The following SIM2 variants were observed in gnomAD, a reference collection of about 807,000 sequenced individuals.
SIM2 encodes the protein single-minded homolog 2.
A neutral mutation model predicts 64.8 loss-of-function variants in SIM2; 28 were observed. The ratio of observed to expected loss-of-function variants is 0.43; its 90% CI spans 0.32 to 0.59. The LOEUF (loss-of-function observed/expected upper bound fraction) is 0.59. SIM2 is among the 20% of genes least tolerant of loss of function. SIM2 has a pLI of 0.07. For missense variants in SIM2, 847 were observed against 871.4 expected, an observed-to-expected ratio of 0.97 and a Z score of 0.35; for synonymous variants, 408 against 391.1, an observed-to-expected ratio of 1.04 and a Z score of -0.51.
chr21:36,700,733 G>A (rs994529293), intron 1 of SIM2, among the ~76,000 whole-genome samples: 1 of 152,198 alleles, frequency 6.6e-6, no homozygotes, highest in Non-Finnish European at 1.5e-5. Flanking sequence ...CGGGAAGTCC[G>A]GGCAGGAGAG....
At chr21:36,743,720 G>A (rs138791805) in intron 9 of SIM2, among the ~76,000 whole-genome samples, 165 bp downstream of exon 9, 6 of 152,254 alleles carry the variant, frequency 3.9e-5, no homozygotes, top group African/African-American at 7.2e-5. Context: ...GTGACAGCCC[G>A]GGGAAGGCCG....
intron 9 of SIM2, among the ~76,000 whole-genome samples, chr21:36,744,524 TG>T (rs1363850157): frequency 6.6e-6 from 1 of 151,392 alleles, no homozygotes; most frequent in Non-Finnish European, 1.5e-5. Flanking sequence ...TAGCTTGGGG[TG>T]GGGGATCTCT....
intron 1 of SIM2, among the ~76,000 whole-genome samples, chr21:36,706,843 T>G (rs1437812244): frequency 6.6e-6 from 1 of 152,204 alleles, no homozygotes; most frequent in Non-Finnish European, 1.5e-5. Flanking sequence ...AAGCAGAGGC[T>G]TTGGGGAATT....
chr21:36,735,967 T>G (rs928254381), intron 7 of SIM2, among the ~76,000 whole-genome samples: 1 of 152,214 alleles, frequency 6.6e-6, no homozygotes, highest in Non-Finnish European at 1.5e-5. Context: ...TTCAGCCTCC[T>G]GCCCTCCCAG....
Position 36,723,091 on chromosome 21 carries a change from G to A in SIM2, c.504G>A (p.Leu168=). ...RSFFLRMKCV[L]AKRNAGLTCS... ...TCTTTCTTCGAATGAAATGTGTCTT[G>A]GCGAAAAGGAACGCGGGCCTGACCT... The change falls in exon 5 of 11, where the codon TTG becomes TTA. Residue 168 remains leucine (L), a synonymous_variant. Coordinates refer to ENST00000290399, the MANE Select transcript of SIM2 (RefSeq NM_005069.6). 6.2e-7 allele frequency: 1 copy of A among 1,614,134 alleles called. No individual in the cohort carries two copies. The highest frequency in any genetic ancestry group is 8.5e-7 in the Non-Finnish European group (1 of 1,180,020).
At chr21:36,727,636 C>T (rs1183356604) in intron 6 of SIM2, among the ~76,000 whole-genome samples, 2 of 152,210 alleles carry the variant, frequency 1.3e-5, no homozygotes, top group African/African-American at 4.8e-5. Context: ...CAGGTAGGTT[C>T]CTCAGCTGTG....
In SIM2 at chr21:36,747,464, T is replaced by C. The variant is rs2089243509; in HGVS notation, c.1577-201T>C. Among the ~76,000 whole-genome samples the C allele has an allele frequency of 6.6e-6, 1 of 152,190 alleles. No homozygotes were observed. On this transcript the variant is annotated intron_variant, in intron 10 of 10. Coordinates refer to ENST00000290399, the MANE Select transcript of SIM2 (RefSeq NM_005069.6). The surrounding 1 kb of genome is among the most constrained non-coding windows in gnomAD (Gnocchi z 4.5). The stretch of plus-strand genomic sequence containing the variant: ...AGGCATTCCACCTGTTTCCCTGCTT[T>C]GTAACGCGGCTCCTGGAACATTTCA...
Position 36,744,865 on chromosome 21 carries a change from C to T in SIM2, c.1305C>T (p.Ser435=). The change falls in exon 10 of 11, where the codon TCC becomes TCT. Residue 435 remains serine (S), a synonymous_variant. Coordinates refer to ENST00000290399, the MANE Select transcript of SIM2 (RefSeq NM_005069.6). ...SESSDLLYTP[S]YSLPFSYHYG... ...GCAGTGACCTTCTGTACACGCCATC[C>T]TACAGCCTGCCCTTCTCCTACCATT... is the stretch of plus-strand genomic sequence containing the variant. 6.2e-7 allele frequency: 1 copy of T among 1,614,260 alleles called. No homozygotes were observed. The highest frequency in any genetic ancestry group is 1.1e-5 in the South Asian group (1 of 91,090).
Position 36,715,102 on chromosome 21 carries a change from C to T in SIM2, c.348+2480C>T, listed in dbSNP as rs537859866. Among the ~76,000 whole-genome samples, 7 of 152,196 alleles carry T rather than the reference C, an allele frequency of 4.6e-5. No individual in the cohort carries two copies. The South Asian group carries it at 6.2e-4, about 14-fold the overall frequency. On this transcript the variant is annotated intron_variant, in intron 3 of 10. Coordinates refer to ENST00000290399, the MANE Select transcript of SIM2 (RefSeq NM_005069.6). ...CAACTGATTTTTTCTGATTTCTCTGCGGGGCTGTGTTAGCATCAGTTCACA... is the reference window on the plus strand; with the variant it reads ...CAACTGATTTTTTCTGATTTCTCTGTGGGGCTGTGTTAGCATCAGTTCACA...
intron 4 of SIM2, 100 bp from the exon 5 acceptor site, chr21:36,722,945 G>A (rs763434615): frequency 4.2e-5 from 37 of 885,036 alleles, no homozygotes; most frequent in Non-Finnish European, 7.1e-5. Context: ...AAGGCCTCTG[G>A]GTGCTGCATC....
chr21:36,709,018 T>TG, intron 1 of SIM2, 150 bp from the exon 2 acceptor site: 5 of 634,364 alleles, frequency 7.9e-6, no homozygotes, highest in Non-Finnish European at 1.4e-5. Flanking sequence ...AGAGCACAGA[T>TG]GGCGGCTGCG....
rs182928558 is a variant in SIM2 at position 36,748,348 on chromosome 21, G to C, written c.*256G>C. 6.3e-5 allele frequency: 12 copies of C among 189,816 alleles called. No homozygotes were observed. In the East Asian group the frequency reaches 1.3e-3, roughly 21 times the overall value. 11.8% of individuals were successfully genotyped at this position (189,816 alleles called of 1,614,324 possible). ...GGTGCGACCCAGTTGCTGGGGGCTT[G>C]GTTTCCTCACCTTGAAATCGGGCTT... On this transcript the variant is annotated 3_prime_UTR_variant, in exon 11 of 11. Transcript: ENST00000290399.
Position 36,699,987 on chromosome 21 carries a change from G to C in SIM2, c.175+66G>C. ...GGCGGCCCCGGCCCAGGCGGGAAGC[G>C]CAAGCCAGCCCGCCCAGAGGGGTTG... is the stretch of plus-strand genomic sequence containing the variant. On this transcript the variant is annotated intron_variant, in intron 1 of 10. Coordinates refer to ENST00000290399, the MANE Select transcript of SIM2 (RefSeq NM_005069.6). The surrounding 1 kb of genome is among the most constrained non-coding windows in gnomAD (Gnocchi z 5.6). 2 of 1,486,512 alleles carry C rather than the reference G, an allele frequency of 1.3e-6. No individual in the cohort carries two copies. Among genetic ancestry groups the C allele is most frequent in the African/African-American group, 1.4e-5 (1 of 69,394 alleles). The allele number at this position is 1,486,512 out of a possible 1,614,324, so 92.1% of individuals were successfully genotyped here.
At chr21:36,746,646 C>CCTTTTGA (rs2089230222) in intron 10 of SIM2, among the ~76,000 whole-genome samples, 1 of 152,194 alleles carries the variant, frequency 6.6e-6, no homozygotes, top group South Asian at 2.1e-4. Context: ...AGGACCCCTG[C>CCTTTTGA]CTTTTGACCT....
chr21:36,726,741 G>T lies in SIM2; in HGVS notation c.743+423G>T, dbSNP rs370458375. On this transcript the variant is annotated intron_variant, in intron 6 of 10. Transcript: ENST00000290399. This position sits in a 1 kb window ranked among gnomAD's most constrained non-coding sequence, Gnocchi z 4.5. ...AGAAAATTTCCACCCTGTGTGCGGT[G>T]TGTGGGGGGCCTTGGCACTCAGGCT... is the stretch of plus-strand genomic sequence containing the variant. Among the ~76,000 whole-genome samples, 2 of 152,206 alleles carry T rather than the reference G, an allele frequency of 1.3e-5. No homozygotes were observed. Among genetic ancestry groups the T allele is most frequent in the African/African-American group, 4.8e-5 (2 of 41,454 alleles).
chr21:36,700,378 C>T (rs1179724037), intron 1 of SIM2, among the ~76,000 whole-genome samples: 1 of 147,958 alleles, frequency 6.8e-6, no homozygotes, highest in African/African-American at 2.5e-5. Context: ...TTCCTTGGCC[C>T]CCTCTCTCCC....
intron 10 of SIM2, among the ~76,000 whole-genome samples, chr21:36,746,504 C>T (rs1601064263): frequency 6.6e-6 from 1 of 152,138 alleles, no homozygotes; most frequent in African/African-American, 2.4e-5. Flanking sequence ...TGACTTGAGG[C>T]TGAGATAACA....
At chr21:36,709,575 A>G (rs1281074916) in intron 2 of SIM2, 2 of 476,084 alleles carry the variant, frequency 4.2e-6, no homozygotes, top group Non-Finnish European at 4.0e-6. Flanking sequence ...AGCAGGTTCC[A>G]CCCAGCGCTT....
At chr21:36,729,395 C>T (rs1245678020) in intron 6 of SIM2, among the ~76,000 whole-genome samples, 1 of 152,134 alleles carries the variant, frequency 6.6e-6, no homozygotes, top group Non-Finnish European at 1.5e-5. Context: ...TCTCCCCCAC[C>T]ACTGCAAGCC....
Sources: allele counts gnomAD v4.1 joint callset (sites outside exome capture counted in the v4.1 genomes callset), GRCh38; gene constraint gnomAD v4.1.1; non-coding constraint Gnocchi (gnomAD v3.1); transcripts MANE v1.5; gene names NCBI Gene and HGNC (gene_info 2026-07-23, HGNC 2026-07-21).